The following ACSL4 variants were observed in gnomAD, a reference collection of about 807,000 sequenced individuals.
The protein encoded by ACSL4 is long-chain-fatty-acid--CoA ligase 4.
ACSL4 carries 9 observed loss-of-function variants against 49.1 expected under a neutral mutation model. The ratio of observed to expected loss-of-function variants is 0.18; its 90% CI spans 0.11 to 0.32. The LOEUF (loss-of-function observed/expected upper bound fraction) is 0.32, where lower values mean the gene tolerates loss of function less well. Ranked by LOEUF, ACSL4 falls within the 10% of genes least tolerant of loss-of-function variation. ACSL4 has a pLI of 1.00. For missense variants in ACSL4, 333 were observed against 493.7 expected, an observed-to-expected ratio of 0.67 and a Z score of 3.08; for synonymous variants, 191 against 170.3, an observed-to-expected ratio of 1.12 and a Z score of -0.95.
intron 2 of ACSL4, among the ~76,000 whole-genome samples, chrX:109,690,776 T>C (rs1241049119): frequency 1.9e-5 from 2 of 104,287 alleles, no homozygotes; most frequent in Admixed American, 1.0e-4. Flanking sequence ...GGGGCCTCTA[T>C]AGATGTCCAG....
At chrX:109,651,367 A>G (rs947446826) in intron 15 of ACSL4, among the ~76,000 whole-genome samples, 1 of 112,345 alleles carries the variant, frequency 8.9e-6, no homozygotes, top group African/African-American at 3.2e-5. Context: ...CACATTCACC[A>G]AAGTTCTTTT....
At chrX:109,685,084 CTTTCTTT>C (rs1474015375) in intron 2 of ACSL4, among the ~76,000 whole-genome samples, 1 of 93,570 alleles carries the variant, frequency 1.1e-5, no homozygotes, top group African/African-American at 3.9e-5. Flanking sequence ...TATTTCTTTT[CTTTCTTT>C]TTTTTTTTTT....
chrX:109,701,802 C>T (rs111901856), intron 1 of ACSL4, among the ~76,000 whole-genome samples: 37,991 of 96,854 alleles, frequency 0.39, 7,339 homozygotes, highest in Non-Finnish European at 0.55. Flanking sequence ...CCTCGGCCTC[C>T]CAAAGTGCTG....
chrX:109,664,039 C>A (rs1224607350), intron 12 of ACSL4, among the ~76,000 whole-genome samples: 1 of 111,160 alleles, frequency 9.0e-6, no homozygotes, highest in African/African-American at 3.3e-5. Flanking sequence ...TCTAAATTTG[C>A]AAAATAAGAT....
In ACSL4 at chrX:109,726,780, G is replaced by A. The variant is rs185640742; in HGVS notation, c.-66+6359C>T. Among the ~76,000 whole-genome samples the A allele has an allele frequency of 3.4e-3, 377 of 112,026 alleles. 1 individual carries two copies. The highest frequency in any genetic ancestry group is 5.3e-3 in the Non-Finnish European group (284 of 53,177). ...TGCAGCCTCGACCTCCCAGGCTCAA[G>A]GGATCCTCCCACTTCAGCCTCTGGA... On this transcript the variant is annotated intron_variant, in intron 1 of 15. Coordinates refer to ENST00000672401, the MANE Select transcript of ACSL4 (RefSeq NM_001318510.2).
intron 6 of ACSL4, among the ~76,000 whole-genome samples, chrX:109,680,363 G>A (rs746683868): frequency 1.4e-4 from 16 of 111,844 alleles, no homozygotes; most frequent in African/African-American, 5.2e-4. Context: ...GTAGAGGTTC[G>A]ACCAACATTT....
intron 1 of ACSL4, among the ~76,000 whole-genome samples, chrX:109,701,548 C>CTTT (rs751217404): frequency 2.4e-5 from 2 of 82,534 alleles, no homozygotes; most frequent in East Asian, 4.0e-4. Flanking sequence ...TCTTCTTTTT[C>CTTT]TTTTTTTTTT....
intron 10 of ACSL4, among the ~76,000 whole-genome samples, chrX:109,668,644 T>TTA (rs1922895487): frequency 8.9e-6 from 1 of 111,992 alleles, no homozygotes; most frequent in South Asian, 3.7e-4. Flanking sequence ...TTAAAATAAG[T>TTA]TATATTCATA....
At chrX:109,648,476 G>A (rs1426714268) in intron 15 of ACSL4, among the ~76,000 whole-genome samples, 58 of 109,575 alleles carry the variant, frequency 5.3e-4, no homozygotes, top group African/African-American at 7.3e-4. Context: ...ATTCAACAAC[G>A]CTTCATGCTA....
chrX:109,710,061 C>T (rs774683352), intron 1 of ACSL4, among the ~76,000 whole-genome samples: 3 of 111,793 alleles, frequency 2.7e-5, no homozygotes, highest in South Asian at 3.7e-4. Context: ...GCCAAGATCA[C>T]GCCATTGCAC....
chrX:109,708,449 G>A (rs1358889369), intron 1 of ACSL4, among the ~76,000 whole-genome samples: 1 of 112,241 alleles, frequency 8.9e-6, no homozygotes, highest in Non-Finnish European at 1.9e-5. Context: ...AAGTAATACT[G>A]TAAAAGGAGC....
At chrX:109,711,149 T>A (rs1317067204) in intron 1 of ACSL4, among the ~76,000 whole-genome samples, 4 of 113,087 alleles carry the variant, frequency 3.5e-5, no homozygotes, top group Non-Finnish European at 7.5e-5. Context: ...ATTTCCCATC[T>A]ATGGTTTTTT....
rs1924162327 is a variant in ACSL4 at position 109,681,486 on chromosome X, A to G, written c.407-111T>C. On this transcript the variant is annotated intron_variant, in intron 4 of 15. Coordinates refer to ENST00000672401, the MANE Select transcript of ACSL4 (RefSeq NM_001318510.2). ...ACACTTAGAGACACAAAGACATTGTATATTTTAATTTGATTTCATAGTCTC... is the reference window on the plus strand; with the variant it reads ...ACACTTAGAGACACAAAGACATTGTGTATTTTAATTTGATTTCATAGTCTC... 3 of 574,776 alleles carry G rather than the reference A, an allele frequency of 5.2e-6. No homozygotes were observed. In the African/African-American group the frequency reaches 7.0e-5, roughly 13 times the overall value. The allele number at this position is 574,776 out of a possible 1,213,427, so 47.4% of individuals were successfully genotyped here.
At chrX:109,674,240 G>A (rs1282394949) in intron 9 of ACSL4, among the ~76,000 whole-genome samples, 162 bp downstream of exon 9, 3 of 111,427 alleles carry the variant, frequency 2.7e-5, no homozygotes, top group Non-Finnish European at 3.8e-5. Context: ...TCCCTAGTAT[G>A]GTACCTAAGA....
intron 8 of ACSL4, among the ~76,000 whole-genome samples, chrX:109,675,819 C>T (rs1471985292): frequency 2.7e-5 from 3 of 112,173 alleles, no homozygotes; most frequent in African/African-American, 9.7e-5. Context: ...AGAGTTTAAG[C>T]CTTAGTCTTA....
At chrX:109,649,748 A>C (rs1198347124) in intron 15 of ACSL4, among the ~76,000 whole-genome samples, 6 of 109,359 alleles carry the variant, frequency 5.5e-5, no homozygotes, top group Non-Finnish European at 1.1e-4. Flanking sequence ...CAACCTACAA[A>C]ATGGGAGAAA....
intron 15 of ACSL4, among the ~76,000 whole-genome samples, chrX:109,647,626 G>A (rs1193337736): frequency 9.0e-6 from 1 of 110,919 alleles, no homozygotes; most frequent in African/African-American, 3.3e-5. Flanking sequence ...AGAGAAGCAA[G>A]AACAAACACA....
chrX:109,715,135 T>TA (rs1468313164), intron 1 of ACSL4, among the ~76,000 whole-genome samples: 1 of 111,926 alleles, frequency 8.9e-6, no homozygotes, highest in Non-Finnish European at 1.9e-5. Flanking sequence ...TTTATATACA[T>TA]ACGTTTTCTA....
intron 1 of ACSL4, among the ~76,000 whole-genome samples, chrX:109,721,374 T>C (rs1927534260): frequency 8.9e-6 from 1 of 111,899 alleles, no homozygotes; most frequent in African/African-American, 3.3e-5. Context: ...TACAAAACCC[T>C]ATCATTATTT....
Sources: allele counts gnomAD v4.1 joint callset (sites outside exome capture counted in the v4.1 genomes callset), GRCh38; gene constraint gnomAD v4.1.1; transcripts MANE v1.5; gene names NCBI Gene and HGNC (gene_info 2026-07-23, HGNC 2026-07-21).